Variants in GAS2 observed in about 807,000 individuals in gnomAD.
GAS2 encodes growth arrest specific 2.
Under a neutral mutation model 37.5 loss-of-function variants are expected in GAS2, and 20 were observed. The observed-to-expected ratio is 0.53, with a 90% CI of 0.37 to 0.77. GAS2 has a LOEUF of 0.77. Among genes scored for constraint, GAS2 ranks in the 30% least tolerant of loss-of-function variants. The pLI, the probability that GAS2 is intolerant of heterozygous loss-of-function variation, is 0.00. For missense variants in GAS2, 336 were observed against 373.4 expected (o/e 0.90, Z 0.82); for synonymous variants, 144 against 132.2 (o/e 1.09, Z -0.61).
intron 7 of GAS2, among the ~76,000 whole-genome samples, chr11:22,781,992 C>A (rs1855576894): frequency 6.6e-6 from 1 of 152,112 alleles, no homozygotes; most frequent in African/African-American, 2.4e-5. Context: ...TGATGGTCTG[C>A]ATTTCATGTA....
chr11:22,782,688 A>G (rs1301748253), intron 7 of GAS2, among the ~76,000 whole-genome samples: 1 of 148,776 alleles, frequency 6.7e-6, no homozygotes, highest in Non-Finnish European at 1.5e-5. Context: ...TGTGTTAGTT[A>G]GGTTAGGGTA....
At chr11:22,705,411 G>A (rs1279510241) in intron 3 of GAS2, among the ~76,000 whole-genome samples, 1 of 152,098 alleles carries the variant, frequency 6.6e-6, no homozygotes, top group Non-Finnish European at 1.5e-5. Flanking sequence ...TATATAAAGT[G>A]CCTTTCAAGA....
intron 7 of GAS2, among the ~76,000 whole-genome samples, chr11:22,778,159 C>T (rs1446125391): frequency 1.3e-5 from 2 of 152,138 alleles, no homozygotes; most frequent in African/African-American, 4.8e-5. Context: ...AAAGAGTTTT[C>T]TCAGGTCAAA....
rs1212209015 is a variant in GAS2, at chr11:22,755,840, T to C, written c.616-6T>C. ...ACAAATGAATGTGCCTGCTCTTCTA[T>C]TTCAGGTGAAACGAATTTCTGAAGA... On this transcript the variant is annotated splice_region_variant and splice_polypyrimidine_tract_variant and intron_variant, in intron 6 of 7. Transcript: ENST00000454584. 1.2e-5 allele frequency: 19 copies of C among 1,608,044 alleles called. No homozygotes were observed. Among genetic ancestry groups the C allele is most frequent in the Non-Finnish European group, 1.6e-5 (19 of 1,175,100 alleles).
intron 5 of GAS2, among the ~76,000 whole-genome samples, chr11:22,742,102 C>A (rs1270275711): frequency 3.3e-5 from 5 of 151,988 alleles, no homozygotes; most frequent in African/African-American, 1.2e-4. Context: ...ACCATAAGAC[C>A]TGTTCCCTAT....
rs66871964 is a variant in GAS2, at chr11:22,758,913, C to CAAAAAA, written c.723+2969_723+2974dup. Among the ~76,000 whole-genome samples, 75 of 73,262 alleles carry CAAAAAA rather than the reference C, an allele frequency of 1.0e-3. 8 individuals carry two copies. Among genetic ancestry groups the CAAAAAA allele is most frequent in the East Asian group, 2.5e-3 (5 of 2,008 alleles). 48.1% of individuals were successfully genotyped at this position (73,262 alleles called of 152,430 possible). A position where few individuals can be genotyped will look rare whatever the true frequency, so the allele number is the denominator to read the frequency against. On this transcript the variant is annotated intron_variant, in intron 7 of 7. Transcript: ENST00000454584. ...GGACAACAAGAGCAAAACTCCGTCT[C>CAAAAAA]AAAAAAAAAAAAAAGAGAAAGTCAT...
intron 1 of GAS2, among the ~76,000 whole-genome samples, chr11:22,636,955 T>C (rs1323925579): frequency 2.1e-5 from 3 of 142,076 alleles, no homozygotes; most frequent in African/African-American, 7.6e-5. Flanking sequence ...AATAAATTGT[T>C]ACTATTAATG....
chr11:22,807,040 C>T (rs1856934281), intron 7 of GAS2, among the ~76,000 whole-genome samples: 1 of 150,822 alleles, frequency 6.6e-6, no homozygotes, highest in African/African-American at 2.4e-5. Context: ...ATCAAGGAAG[C>T]ATTCAGTGAA....
intron 5 of GAS2, among the ~76,000 whole-genome samples, chr11:22,743,942 G>A (rs1853236468): frequency 6.6e-6 from 1 of 151,970 alleles, no homozygotes; most frequent in Non-Finnish European, 1.5e-5. Flanking sequence ...AGCTCAGTCA[G>A]GAATGACAAG....
intron 1 of GAS2, among the ~76,000 whole-genome samples, chr11:22,667,487 A>G (rs1331416318): frequency 6.6e-6 from 1 of 152,160 alleles, no homozygotes; most frequent in East Asian, 1.9e-4. Context: ...TATGTGAATA[A>G]ACAAACGCTA....
chr11:22,648,001 AC>A (rs1565065182), intron 1 of GAS2, among the ~76,000 whole-genome samples: 3 of 151,884 alleles, frequency 2.0e-5, no homozygotes. Flanking sequence ...CCTTGCCCAT[AC>A]CTATGTCCTG....
intron 1 of GAS2, among the ~76,000 whole-genome samples, chr11:22,654,700 T>C (rs764061028): frequency 6.6e-6 from 1 of 152,122 alleles, no homozygotes; most frequent in African/African-American, 2.4e-5. Context: ...TTGAACTGTT[T>C]TAAGTAAGAA....
At chr11:22,772,468 G>A (rs1448260577) in intron 7 of GAS2, among the ~76,000 whole-genome samples, 5 of 152,112 alleles carry the variant, frequency 3.3e-5, no homozygotes, top group African/African-American at 1.2e-4. Flanking sequence ...ATCTTTTAAA[G>A]GGGTGTGTGT....
intron 5 of GAS2, among the ~76,000 whole-genome samples, chr11:22,743,075 T>A (rs911870831): frequency 8.5e-5 from 13 of 152,060 alleles, no homozygotes; most frequent in African/African-American, 2.9e-4. Context: ...TTTACAGAGT[T>A]TAAAAGGGGT....
intron 3 of GAS2, among the ~76,000 whole-genome samples, chr11:22,698,631 G>C (rs1488071860): frequency 6.7e-6 from 1 of 149,630 alleles, no homozygotes; most frequent in African/African-American, 2.5e-5. Context: ...TAAAATACTG[G>C]CAAACCGAAT....
chr11:22,697,856 G>A (rs1331506731), intron 3 of GAS2, among the ~76,000 whole-genome samples: 1 of 152,024 alleles, frequency 6.6e-6, no homozygotes, highest in African/African-American at 2.4e-5. Flanking sequence ...TGAGACAATG[G>A]GGTTTTCTAG....
At chr11:22,718,816 T>C (rs1289556738) in intron 3 of GAS2, among the ~76,000 whole-genome samples, 1 of 152,088 alleles carries the variant, frequency 6.6e-6, no homozygotes, top group East Asian at 1.9e-4. Context: ...TTAATCTCAG[T>C]CTGTTCATAT....
chr11:22,651,204 C>T (rs1215292937), intron 1 of GAS2, among the ~76,000 whole-genome samples: 3 of 151,978 alleles, frequency 2.0e-5, no homozygotes, highest in African/African-American at 7.2e-5. Context: ...ATATGAAATT[C>T]TGGGTTGAAA....
intron 3 of GAS2, among the ~76,000 whole-genome samples, chr11:22,723,558 A>T (rs1395157347): frequency 6.6e-6 from 1 of 151,940 alleles, no homozygotes; most frequent in East Asian, 1.9e-4. Flanking sequence ...TCAGTGCAAA[A>T]TGGATATTTT....
Sources: gnomAD v4.1 joint callset for allele counts (sites outside exome capture counted in the v4.1 genomes callset) on GRCh38, gnomAD v4.1.1 for gene constraint, MANE v1.5 for transcripts, NCBI Gene and HGNC (gene_info 2026-07-23, HGNC 2026-07-21) for gene names.